Variants in RGS22 observed in about 807,000 individuals in gnomAD.
RGS22 encodes regulator of G-protein signaling 22.
Under a neutral mutation model 172.9 loss-of-function variants are expected in RGS22, and 148 were observed. That is an observed-to-expected ratio of 0.86 (90% confidence interval 0.75 to 0.98). RGS22 has a LOEUF of 0.98. Ranked by LOEUF, RGS22 falls within the 50% of genes least tolerant of loss-of-function variation. The probability of loss-of-function intolerance (pLI) is 0.00; values close to 1 mark genes in which losing one functional copy is unlikely to be tolerated. For missense variants in RGS22, 1,347 were observed against 1,440.8 expected, an observed-to-expected ratio of 0.93 and a Z score of 1.05; for synonymous variants, 458 against 480.2, an observed-to-expected ratio of 0.95 and a Z score of 0.60.
At chr8:99,976,694 T>C (rs1811994167) in intron 23 of RGS22, among the ~76,000 whole-genome samples, 1 of 152,174 alleles carries the variant, frequency 6.6e-6, no homozygotes, top group Non-Finnish European at 1.5e-5. Context: ...TGGACAAATA[T>C]ATCCCAAACT....
intron 23 of RGS22, among the ~76,000 whole-genome samples, chr8:99,973,811 G>A (rs531682274): frequency 2.6e-5 from 4 of 151,144 alleles, no homozygotes; most frequent in African/African-American, 9.7e-5. Flanking sequence ...AGAGGTTGCA[G>A]TGAGTCGAGA....
At chr8:100,080,909 T>C (rs1223477822) in intron 3 of RGS22, 1 of 152,548 alleles carries the variant, frequency 6.6e-6, no homozygotes, top group African/African-American at 2.4e-5. Flanking sequence ...TAATTCTAAA[T>C]GCTGCCAACT....
chr8:100,098,230 A>T (rs1277351944), intron 2 of RGS22, among the ~76,000 whole-genome samples: 2 of 152,164 alleles, frequency 1.3e-5, no homozygotes, highest in South Asian at 2.1e-4. Context: ...TTAATTTCTC[A>T]ATGCCTTTAG....
chr8:99,985,916 A>T (rs559563549), intron 21 of RGS22, among the ~76,000 whole-genome samples: 18 of 152,214 alleles, frequency 1.2e-4, no homozygotes, highest in African/African-American at 4.1e-4. Flanking sequence ...CACCCATGAT[A>T]AAAAAATTAT....
intron 12 of RGS22, among the ~76,000 whole-genome samples, chr8:100,040,584 A>T (rs1211975238): frequency 6.6e-6 from 1 of 152,164 alleles, no homozygotes; most frequent in Non-Finnish European, 1.5e-5. Context: ...TGGCCTGCAC[A>T]GTGTAAATGG....
intron 20 of RGS22, among the ~76,000 whole-genome samples, chr8:99,993,152 CAAGAG>C (rs2131281070): frequency 6.6e-6 from 1 of 152,188 alleles, no homozygotes; most frequent in Admixed American, 6.5e-5. Context: ...TAAATGCCCA[CAAGAG>C]AAATCAGGAA....
intron 9 of RGS22, among the ~76,000 whole-genome samples, chr8:100,061,970 A>G (rs1225044881): frequency 6.6e-6 from 1 of 152,212 alleles, no homozygotes; most frequent in Non-Finnish European, 1.5e-5. Flanking sequence ...TGCAGCCATA[A>G]AAAAGAACAA....
chr8:99,993,387 A>G (rs1000919913), intron 20 of RGS22, among the ~76,000 whole-genome samples: 1 of 152,152 alleles, frequency 6.6e-6, no homozygotes, highest in African/African-American at 2.4e-5. Context: ...TAACAAAGAA[A>G]AGAGAGAAGA....
chr8:99,961,926 A>G (rs1810240601), intron 27 of RGS22, among the ~76,000 whole-genome samples: 1 of 152,214 alleles, frequency 6.6e-6, no homozygotes, highest in Non-Finnish European at 1.5e-5. Context: ...TTCTTCAAGT[A>G]TTAGGTCAAT....
At chr8:99,979,142 A>C (rs1812279795) in intron 22 of RGS22, among the ~76,000 whole-genome samples, 1 of 152,176 alleles carries the variant, frequency 6.6e-6, no homozygotes, top group African/African-American at 2.4e-5. Context: ...CCTGCCATAC[A>C]TTTAATTAAG....
chr8:99,990,788 G>A (rs530523974), intron 20 of RGS22, among the ~76,000 whole-genome samples: 142 of 152,286 alleles, frequency 9.3e-4, no homozygotes, highest in Non-Finnish European at 1.6e-3. Flanking sequence ...CTCTGAGAAC[G>A]GACAGACTGC....
chr8:99,968,085 C>A (rs561006722), intron 23 of RGS22, among the ~76,000 whole-genome samples: 1 of 152,306 alleles, frequency 6.6e-6, no homozygotes, highest in Non-Finnish European at 1.5e-5. Flanking sequence ...ATAACCCAGG[C>A]AAACAGGATC....
chr8:100,071,842 C>T (rs898775246), intron 5 of RGS22, among the ~76,000 whole-genome samples: 26 of 152,172 alleles, frequency 1.7e-4, no homozygotes, highest in East Asian at 5.8e-4. Context: ...ATGTTTTTCG[C>T]GTCACACTAG....
At chr8:100,104,859 A>G (rs1813798471) in intron 2 of RGS22, among the ~76,000 whole-genome samples, 1 of 152,230 alleles carries the variant, frequency 6.6e-6, no homozygotes, top group African/African-American at 2.4e-5. Flanking sequence ...GGGAATTACA[A>G]TGGAACCCAG....
rs1341644745 is a variant in RGS22 at position 100,066,423 on chromosome 8, T to A, written c.595-127A>T. The A allele has an allele frequency of 8.8e-6, 6 of 685,342 alleles. No individual in the cohort carries two copies. The South Asian group carries it at 2.0e-4, about 23-fold the overall frequency. 42.5% of individuals were successfully genotyped at this position (685,342 alleles called of 1,614,324 possible). On this transcript the variant is annotated intron_variant, in intron 6 of 27. Transcript: ENST00000360863. ...AATATGTAAAGTGAAAATTATCTCA[T>A]GAAGGAAAATAAAATTCTACTGAAA...
chr8:100,078,234 T>C (rs1423373482), intron 4 of RGS22, among the ~76,000 whole-genome samples: 1 of 151,900 alleles, frequency 6.6e-6, no homozygotes, highest in East Asian at 1.9e-4. Flanking sequence ...TATTGATGTA[T>C]ATTATTATTA....
At position 100,071,354 on chromosome 8, in the gene RGS22, T is replaced by C. The variant is rs376282785; in HGVS notation, c.594+15A>G. 1.2e-5 allele frequency: 19 copies of C among 1,577,812 alleles called. No individual in the cohort carries two copies. Among genetic ancestry groups the C allele is most frequent in the African/African-American group, 2.7e-5 (2 of 72,850 alleles). ...AGTGAAGCGCTAAGTCATGAAAAAATGCTCATACTTTTACCTCACCAAGTG... is the reference window on the plus strand; with the variant it reads ...AGTGAAGCGCTAAGTCATGAAAAAACGCTCATACTTTTACCTCACCAAGTG... On this transcript the variant is annotated intron_variant, in intron 6 of 27. Coordinates refer to ENST00000360863, the MANE Select transcript of RGS22 (RefSeq NM_015668.5).
chr8:100,071,463 G>A lies in RGS22; in HGVS notation c.500C>T (p.Pro167Leu), dbSNP rs752106923. The A allele has an allele frequency of 1.2e-5, 19 of 1,612,918 alleles. No homozygotes were observed. The highest frequency in any genetic ancestry group is 1.3e-5 in the Non-Finnish European group (15 of 1,179,382). ...ACTGGGTGGTTTTTTCACGATCCAG[G>A]GAGAAAAATTTGATCCTACTGTGAA... is the stretch of plus-strand genomic sequence containing the variant. Reference protein sequence around the residue: ...MNFTVGSNFSPWIVKKPPSLP... With the variant: ...MNFTVGSNFSLWIVKKPPSLP... Residue 167 changes from proline to leucine, a missense_variant, in exon 6 of 28, where the codon CCC becomes CTC. Pro to Leu is a moderately conservative substitution (Grantham distance 98). Transcript: ENST00000360863.
intron 14 of RGS22, among the ~76,000 whole-genome samples, chr8:100,010,585 T>G (rs897012207): frequency 6.6e-6 from 1 of 152,228 alleles, no homozygotes; most frequent in African/African-American, 2.4e-5. Context: ...TGTCACTCTA[T>G]AATGCAGTTA....
Sources: gnomAD v4.1 joint callset for allele counts (sites outside exome capture counted in the v4.1 genomes callset) on GRCh38, gnomAD v4.1.1 for gene constraint, MANE v1.5 for transcripts, NCBI Gene and HGNC (gene_info 2026-07-23, HGNC 2026-07-21) for gene names.